SPAG16: variants seen among roughly 807,000 people sequenced by gnomAD.
The protein encoded by SPAG16 is sperm associated antigen 16, also known as sperm-associated antigen 16 protein.
In SPAG16, 86 loss-of-function variants were observed where a neutral mutation model predicts 80.4. The ratio of observed to expected loss-of-function variants is 1.07; its 90% CI spans 0.90 to 1.28. The LOEUF is 1.28. Ranked by LOEUF, SPAG16 falls within the 50% of genes most tolerant of loss-of-function variation. SPAG16 has a pLI of 0.00. For missense variants in SPAG16, 870 were observed against 765.3 expected (o/e 1.14, Z -1.61); for synonymous variants, 294 against 265.9 (o/e 1.11, Z -1.03).
At chr2:214,175,767 C>T (rs2057059883) in intron 15 of SPAG16, among the ~76,000 whole-genome samples, 1 of 151,454 alleles carries the variant, frequency 6.6e-6, no homozygotes, top group Non-Finnish European at 1.5e-5. Flanking sequence ...GGAGAAAAAA[C>T]TGATAAATCA....
At chr2:213,433,911 T>A (rs1559128947) in intron 9 of SPAG16, among the ~76,000 whole-genome samples, 1 of 132,936 alleles carries the variant, frequency 7.5e-6, no homozygotes, top group Non-Finnish European at 1.5e-5. Context: ...TCCTTTTTCT[T>A]TGTCTTTTTT....
At chr2:213,951,077 C>A (rs2079752263) in intron 12 of SPAG16, among the ~76,000 whole-genome samples, 1 of 151,282 alleles carries the variant, frequency 6.6e-6, no homozygotes, top group African/African-American at 2.4e-5. Context: ...TCCTCTGAAG[C>A]ACTTTTAGTT....
intron 9 of SPAG16, among the ~76,000 whole-genome samples, chr2:213,391,604 A>T (rs1455897351): frequency 6.6e-6 from 1 of 152,208 alleles, no homozygotes; most frequent in Non-Finnish European, 1.5e-5. Context: ...TATATGTAAG[A>T]TATCTAACAC....
At chr2:214,354,274 G>A (rs1348453623) in intron 15 of SPAG16, among the ~76,000 whole-genome samples, 6 of 152,024 alleles carry the variant, frequency 3.9e-5, no homozygotes, top group Non-Finnish European at 8.8e-5. Flanking sequence ...CCCATTGCTT[G>A]TTTTTCTCAG....
intron 10 of SPAG16, among the ~76,000 whole-genome samples, chr2:213,703,025 G>C (rs2125332971): frequency 6.6e-6 from 1 of 152,308 alleles, no homozygotes; most frequent in East Asian, 1.9e-4. Flanking sequence ...TATGGTCCAT[G>C]AAATGTCCAT....
Position 213,453,722 on chromosome 2 carries a change from G to A in SPAG16, c.943-36241G>A, listed in dbSNP as rs183059774. Among the ~76,000 whole-genome samples, 19 of 152,238 alleles carry A rather than the reference G, an allele frequency of 1.2e-4. No individual in the cohort carries two copies. The East Asian group carries it at 3.3e-3, about 26-fold the overall frequency. ...CCAGGCAGTGAGTGTGGCACTGATG[G>A]CCCACCTTGGTCTCTCCTGGCCCAG... On this transcript the variant is annotated intron_variant, in intron 9 of 15. Transcript: ENST00000331683.
intron 9 of SPAG16, among the ~76,000 whole-genome samples, chr2:213,468,504 G>A (rs199716234): frequency 1.7e-5 from 1 of 58,576 alleles, no homozygotes; most frequent in Admixed American, 1.7e-4. Context: ...TTTATATATA[G>A]ATATATATAT....
chr2:213,553,673 A>G (rs2059328889), intron 10 of SPAG16, among the ~76,000 whole-genome samples: 2 of 152,114 alleles, frequency 1.3e-5, no homozygotes, highest in African/African-American at 4.8e-5. Context: ...CATACCCCAG[A>G]CCTGGGCTCT....
At chr2:213,536,546 T>C (rs944384636) in intron 10 of SPAG16, among the ~76,000 whole-genome samples, 1 of 152,200 alleles carries the variant, frequency 6.6e-6, no homozygotes, top group Non-Finnish European at 1.5e-5. Context: ...TGGTATCTCA[T>C]TGTGGTTTTG....
intron 14 of SPAG16, among the ~76,000 whole-genome samples, chr2:214,138,071 C>A (rs150555971): frequency 2.0e-5 from 3 of 152,050 alleles, no homozygotes; most frequent in Non-Finnish European, 4.4e-5. Flanking sequence ...AGGAACTGAA[C>A]TGATATAACA....
chr2:214,230,963 A>G (rs1171053644), intron 15 of SPAG16, among the ~76,000 whole-genome samples: 1 of 152,032 alleles, frequency 6.6e-6, no homozygotes, highest in Non-Finnish European at 1.5e-5. Context: ...TTGAGAAACC[A>G]TATCCATCCC....
rs548077219 is a variant in SPAG16 at position 213,809,429 on chromosome 2, A to G, written c.1071-53056A>G. Among the ~76,000 whole-genome samples, 12 of 152,320 alleles carry G rather than the reference A, an allele frequency of 7.9e-5. No homozygotes were observed. In the East Asian group the frequency reaches 2.1e-3, roughly 27 times the overall value. Reference sequence around the variant, plus strand: ...ATTGTCCATGCAACCCACAGGAAACATCTAAGGTCATTTTTAGATATTTCT... The same window carrying G: ...ATTGTCCATGCAACCCACAGGAAACGTCTAAGGTCATTTTTAGATATTTCT... On this transcript the variant is annotated intron_variant, in intron 10 of 15. Coordinates refer to ENST00000331683, the MANE Select transcript of SPAG16 (RefSeq NM_024532.5).
At chr2:214,123,673 A>G (rs1035297834) in intron 14 of SPAG16, among the ~76,000 whole-genome samples, 10 of 152,064 alleles carry the variant, frequency 6.6e-5, no homozygotes, top group Non-Finnish European at 2.9e-5. Context: ...AGAATCAATC[A>G]GGTAGAAAAC....
intron 13 of SPAG16, among the ~76,000 whole-genome samples, chr2:214,036,700 A>G (rs1265835806): frequency 6.6e-6 from 1 of 152,154 alleles, no homozygotes; most frequent in Non-Finnish European, 1.5e-5. Context: ...GTTTAATCTT[A>G]CAATGTACAG....
rs200639000 is a variant in SPAG16, at chr2:213,887,527, T to TA, written c.1214+24905dup. Among the ~76,000 whole-genome samples, 6 of 151,992 alleles carry TA rather than the reference T, an allele frequency of 3.9e-5. No individual in the cohort carries two copies. In the East Asian group the frequency reaches 1.2e-3, roughly 29 times the overall value. On this transcript the variant is annotated intron_variant, in intron 11 of 15. Coordinates refer to ENST00000331683, the MANE Select transcript of SPAG16 (RefSeq NM_024532.5). ...CTATCAGGTGATGAAACATGTAATT[T>TA]AAAAAATATTAACTACTAAATGTTT...
intron 10 of SPAG16, among the ~76,000 whole-genome samples, chr2:213,593,935 C>T (rs553407880): frequency 4.6e-5 from 7 of 151,276 alleles, no homozygotes; most frequent in South Asian, 2.1e-4. Context: ...CCACCACGCC[C>T]GGCTAATTTT....
chr2:214,071,113 G>A (rs1159040875), intron 13 of SPAG16, among the ~76,000 whole-genome samples: 5 of 152,158 alleles, frequency 3.3e-5, no homozygotes, highest in African/African-American at 1.2e-4. Context: ...AGTTTCTGCT[G>A]TATGTGGTGC....
chr2:213,702,806 TA>T (rs2065535180), intron 10 of SPAG16, among the ~76,000 whole-genome samples: 1 of 152,154 alleles, frequency 6.6e-6, no homozygotes, highest in East Asian at 1.9e-4. Context: ...AGAGTTGATA[TA>T]TATCAAGAAG....
intron 13 of SPAG16, among the ~76,000 whole-genome samples, chr2:214,104,356 G>T (rs1424937391): frequency 6.6e-6 from 1 of 152,114 alleles, no homozygotes. Flanking sequence ...ATGCAGGAGC[G>T]TGACATGGTC....
Sources: allele counts gnomAD v4.1 joint callset (sites outside exome capture counted in the v4.1 genomes callset), GRCh38; gene constraint gnomAD v4.1.1; transcripts MANE v1.5; gene names NCBI Gene and HGNC (gene_info 2026-07-23, HGNC 2026-07-21).